Variants in DNAH8 observed in about 807,000 individuals in gnomAD.
DNAH8 encodes dynein axonemal heavy chain 8.
A neutral mutation model predicts 562.1 loss-of-function variants in DNAH8; 382 were observed. That is an observed-to-expected ratio of 0.68 (90% CI 0.63 to 0.74). DNAH8 has a LOEUF of 0.74. DNAH8 is among the 30% of genes least tolerant of loss of function. The pLI is 0.00. For synonymous variants in DNAH8, 1,881 were observed against 1,919.4 expected, an observed-to-expected ratio of 0.98 and a Z score of 0.52; for missense variants, 5,203 against 5,620.4, an observed-to-expected ratio of 0.93 and a Z score of 2.37.
At chr6:38,913,589 T>A (rs996041083) in intron 66 of DNAH8, among the ~76,000 whole-genome samples, 2 of 152,214 alleles carry the variant, frequency 1.3e-5, no homozygotes, top group African/African-American at 4.8e-5. Flanking sequence ...TCTTATTCAA[T>A]AGGACATTGT....
rs1490631038 is a variant in DNAH8, at chr6:38,907,951, TA to T, written c.9349-2del. ...ACAGAACACTTCCTTGTCCATTCCT[TA>T]AAGATCTCCAACTTGTTTGCACGAG... is the stretch of plus-strand genomic sequence containing the variant. On this transcript the variant is annotated splice_region_variant and splice_polypyrimidine_tract_variant and intron_variant, in intron 63 of 92. Transcript: ENST00000327475. 1 of 1,590,312 alleles carries T rather than the reference TA, an allele frequency of 6.3e-7. No homozygotes were observed.
chr6:38,837,486 G>T (rs181964932), intron 32 of DNAH8, among the ~76,000 whole-genome samples: 1 of 152,190 alleles, frequency 6.6e-6, no homozygotes, highest in South Asian at 2.1e-4. Flanking sequence ...ATTTCAAATG[G>T]TGTTAAAATT....
Position 38,895,765 on chromosome 6 carries a change from C to T in DNAH8, c.8748-268C>T, listed in dbSNP as rs185364780. 2.4e-3 allele frequency among the ~76,000 whole-genome samples: 362 copies of T among 152,348 alleles called. 3 individuals carry two copies. Among genetic ancestry groups the T allele is most frequent in the South Asian group, 9.1e-3 (44 of 4,824 alleles). ...CCAGAAAGAGGACGCTCGTCCACTA[C>T]CGACCATCACTTCTGCTCTCCTATC... On this transcript the variant is annotated intron_variant, in intron 59 of 92. Coordinates refer to ENST00000327475, the MANE Select transcript of DNAH8 (RefSeq NM_001206927.2).
At chr6:38,949,820 A>G (rs916660366) in intron 81 of DNAH8, among the ~76,000 whole-genome samples, 2 of 152,202 alleles carry the variant, frequency 1.3e-5, no homozygotes, top group African/African-American at 4.8e-5. Flanking sequence ...ATGTATTTTG[A>G]CAACGTATTA....
At chr6:38,823,798 TATAATA>T (rs149539806) in intron 28 of DNAH8, 110 bp downstream of exon 28, 10 of 516,634 alleles carry the variant, frequency 1.9e-5, no homozygotes, top group Non-Finnish European at 3.0e-5. Flanking sequence ...TATACCAAGA[TATAATA>T]ATAATAATAT....
chr6:38,781,808 A>G (rs910903550), intron 16 of DNAH8, among the ~76,000 whole-genome samples: 3 of 152,210 alleles, frequency 2.0e-5, no homozygotes, highest in Non-Finnish European at 4.4e-5. Flanking sequence ...TGAGAGCGGA[A>G]TATAATACAG....
chr6:38,945,323 C>T, intron 79 of DNAH8, 144 bp from the exon 80 acceptor site: 1 of 848,058 alleles, frequency 1.2e-6, no homozygotes, highest in East Asian at 2.7e-5. Context: ...CCAAAAAACC[C>T]TCACATTTTC....
intron 14 of DNAH8, among the ~76,000 whole-genome samples, chr6:38,779,055 C>T (rs1768327709): frequency 6.6e-6 from 1 of 152,156 alleles, no homozygotes; most frequent in Non-Finnish European, 1.5e-5. Context: ...CTTCCTTTCC[C>T]TCTATCCTAA....
chr6:38,926,037 C>A lies in DNAH8; in HGVS notation c.10963-18C>A. Reference sequence around the variant, plus strand: ...CCTGTTCTCCTTTGAATGGTGATATCCATTTCCTGTTGTTCAGATTGGTGA... The same window carrying A: ...CCTGTTCTCCTTTGAATGGTGATATACATTTCCTGTTGTTCAGATTGGTGA... On this transcript the variant is annotated intron_variant, in intron 73 of 92. Transcript: ENST00000327475. The A allele has an allele frequency of 6.2e-7, 1 of 1,608,738 alleles. No homozygotes were observed. Among genetic ancestry groups the A allele is most frequent in the Non-Finnish European group, 8.5e-7 (1 of 1,177,332 alleles).
At chr6:38,815,734 A>G in intron 26 of DNAH8, 77 bp downstream of exon 26, 1 of 1,262,444 alleles carries the variant, frequency 7.9e-7, no homozygotes, top group East Asian at 2.6e-5. Flanking sequence ...AAATTATTTT[A>G]TATGTTTGAT....
chr6:39,008,292 T>C (rs1765929897), intron 88 of DNAH8, among the ~76,000 whole-genome samples: 1 of 151,962 alleles, frequency 6.6e-6, no homozygotes, highest in African/African-American at 2.4e-5. Context: ...GTGGAGCCGA[T>C]GGGCGTCAAT....
At chr6:38,913,335 G>A (rs990260465) in intron 66 of DNAH8, among the ~76,000 whole-genome samples, 2 of 152,216 alleles carry the variant, frequency 1.3e-5, no homozygotes, top group East Asian at 3.8e-4. Flanking sequence ...CCGTTGGAAT[G>A]TGAGCAATTC....
Position 39,026,669 on chromosome 6 carries a change from T to C in DNAH8, c.13836+2T>C. The C allele has an allele frequency of 8.7e-6, 14 of 1,612,722 alleles. No individual in the cohort carries two copies. The highest frequency in any genetic ancestry group is 1.2e-5 in the Non-Finnish European group (14 of 1,179,744). ...GAGGAGATCACGTCACCCCCTGGGG[T>C]AGGCGTTGCTGGGCAATAGCAGGGA... On this transcript the variant is annotated splice_donor_variant, in intron 92 of 92. Transcript: ENST00000327475. LOFTEE classifies it high-confidence loss of function.
At chr6:38,922,914 A>C in intron 71 of DNAH8, 144 bp from the exon 72 acceptor site, 3 of 770,018 alleles carry the variant, frequency 3.9e-6, no homozygotes. Flanking sequence ...TAATATGTGA[A>C]GTTTCAATGC....
Position 38,875,842 on chromosome 6 carries a change from A to G in DNAH8, c.7858+14A>G. ...TTACTGATTATGGTAAGCCCACTGAACTATACCTTAAATGAAATGACTTTT... is the reference window on the plus strand; with the variant it reads ...TTACTGATTATGGTAAGCCCACTGAGCTATACCTTAAATGAAATGACTTTT... On this transcript the variant is annotated intron_variant, in intron 53 of 92. Transcript: ENST00000327475. 1.3e-6 allele frequency: 2 copies of G among 1,528,802 alleles called. No homozygotes were observed. Among genetic ancestry groups the G allele is most frequent in the Non-Finnish European group, 1.8e-6 (2 of 1,108,110 alleles). 94.7% of individuals were successfully genotyped at this position (1,528,802 alleles called of 1,614,324 possible).
Position 38,823,052 on chromosome 6 carries a change from G to A in DNAH8, c.3720+18G>A. The A allele has an allele frequency of 6.4e-7, 1 of 1,551,780 alleles. No individual in the cohort carries two copies. Among genetic ancestry groups the A allele is most frequent in the Non-Finnish European group, 8.7e-7 (1 of 1,154,750 alleles). ...AAGTGAAGGTGTCTTTCTGCTACTT[G>A]TGATGTTGTTTGGGTTTTGTTTGTC... On this transcript the variant is annotated intron_variant, in intron 27 of 92. Transcript: ENST00000327475.
At chr6:38,783,796 C>T (rs1768878600) in intron 17 of DNAH8, among the ~76,000 whole-genome samples, 1 of 152,150 alleles carries the variant, frequency 6.6e-6, no homozygotes, top group South Asian at 2.1e-4. Context: ...TAACCTTAAA[C>T]TCTTAGTTAT....
intron 32 of DNAH8, among the ~76,000 whole-genome samples, chr6:38,836,931 T>C (rs1774354881): frequency 1.3e-5 from 2 of 152,212 alleles, no homozygotes; most frequent in Non-Finnish European, 2.9e-5. Context: ...CAATAGTCTT[T>C]ACACATTGAT....
At chr6:38,951,173 C>G in intron 81 of DNAH8, 145 bp from the exon 82 acceptor site, 1 of 701,710 alleles carries the variant, frequency 1.4e-6, no homozygotes, top group Non-Finnish European at 2.4e-6. Context: ...TGATAGGAAA[C>G]CTTGCCATTC....
Sources: allele counts gnomAD v4.1 joint callset (sites outside exome capture counted in the v4.1 genomes callset), GRCh38; gene constraint gnomAD v4.1.1; transcripts MANE v1.5; gene names NCBI Gene and HGNC (gene_info 2026-07-23, HGNC 2026-07-21).